Variants in USP25 observed in about 807,000 individuals in gnomAD.
USP25 encodes ubiquitin specific peptidase 25, also known as ubiquitin carboxyl-terminal hydrolase 25.
USP25 carries 85 observed loss-of-function variants against 158.5 expected under a neutral mutation model. The observed-to-expected ratio is 0.54, with a 90% confidence interval of 0.45 to 0.64. The LOEUF is 0.64. Among genes scored for constraint, USP25 ranks in the 30% least tolerant of loss-of-function variants. The pLI is 0.00. For missense variants in USP25, 1,242 were observed against 1,327.3 expected (o/e 0.94, Z 1.00); for synonymous variants, 464 against 460.4 (o/e 1.01, Z -0.10).
At chr21:15,864,911 C>T (rs2039591156) in intron 21 of USP25, among the ~76,000 whole-genome samples, 1 of 151,922 alleles carries the variant, frequency 6.6e-6, no homozygotes, top group Non-Finnish European at 1.5e-5. Flanking sequence ...GCAAAGTCAC[C>T]CTTATTAGAG....
chr21:15,863,324 G>C (rs1258973400), intron 20 of USP25, among the ~76,000 whole-genome samples: 1 of 151,942 alleles, frequency 6.6e-6, no homozygotes, highest in Non-Finnish European at 1.5e-5. Flanking sequence ...GGTAATAATA[G>C]TGATAATATA....
intron 16 of USP25, among the ~76,000 whole-genome samples, chr21:15,831,971 T>C (rs191370641): frequency 2.6e-5 from 4 of 152,224 alleles, no homozygotes; most frequent in South Asian, 2.1e-4. Context: ...CCCACCTTCA[T>C]TGATCACCAG....
chr21:15,832,744 C>T (rs1190209133), intron 16 of USP25, among the ~76,000 whole-genome samples: 6 of 151,728 alleles, frequency 4.0e-5, no homozygotes, highest in African/African-American at 1.5e-4. Context: ...AATGGCCGGG[C>T]GCGGTGGCTT....
chr21:15,740,558 A>G (rs113903933), intron 1 of USP25, among the ~76,000 whole-genome samples: 1 of 151,170 alleles, frequency 6.6e-6, no homozygotes, highest in African/African-American at 2.4e-5. Flanking sequence ...TCCTGGAGGC[A>G]CAAATAAGTT....
At chr21:15,808,410 CA>C (rs1282762908) in intron 7 of USP25, among the ~76,000 whole-genome samples, 21 of 152,122 alleles carry the variant, frequency 1.4e-4, no homozygotes, top group African/African-American at 4.8e-4. Context: ...AGAGAGAAGC[CA>C]GTCATAATTC....
At chr21:15,759,574 GGTTGA>G (rs1255955038) in intron 1 of USP25, among the ~76,000 whole-genome samples, 1 of 152,186 alleles carries the variant, frequency 6.6e-6, no homozygotes, top group Admixed American at 6.5e-5. Flanking sequence ...ATTGGCAATT[GGTTGA>G]GTTATTATCA....
chr21:15,824,583 TTTTCTGTCTGTC>T (rs1158637377), intron 11 of USP25, among the ~76,000 whole-genome samples: 1 of 152,106 alleles, frequency 6.6e-6, no homozygotes, highest in Non-Finnish European at 1.5e-5. Context: ...TCTTTTGTTT[TTTTCTGTCTGTC>T]TTTCTGTCTA....
Position 15,847,050 on chromosome 21 carries a change from G to A in USP25, c.2338-613G>A, listed in dbSNP as rs547721136. ...ACACTTAAGATATAAATATACTGGA[G>A]CCTCATAGGCTGTATATAATAAGTT... On this transcript the variant is annotated intron_variant, in intron 18 of 25. Transcript: ENST00000400183. Among the ~76,000 whole-genome samples, 360 of 152,204 alleles carry A rather than the reference G, an allele frequency of 2.4e-3. 2 individuals are homozygous for A. Among genetic ancestry groups the A allele is most frequent in the South Asian group, 0.017 (83 of 4,816 alleles).
chr21:15,786,225 A>G (rs936439895), intron 4 of USP25, among the ~76,000 whole-genome samples: 9 of 152,160 alleles, frequency 5.9e-5, no homozygotes, highest in Admixed American at 5.2e-4. Flanking sequence ...AGGAACAACT[A>G]ATATTAATTC....
At chr21:15,796,655 T>A (rs978998987) in intron 5 of USP25, among the ~76,000 whole-genome samples, 4 of 151,458 alleles carry the variant, frequency 2.6e-5, no homozygotes, top group Admixed American at 1.3e-4. Context: ...AGTTTTAAGT[T>A]ATCTCAGAAT....
At chr21:15,835,245 C>T (rs1300685612) in intron 17 of USP25, among the ~76,000 whole-genome samples, 1 of 152,214 alleles carries the variant, frequency 6.6e-6, no homozygotes, top group Non-Finnish European at 1.5e-5. Flanking sequence ...ATTCTTGGCT[C>T]ACCTATATTT....
rs376671904 is a variant in USP25, at chr21:15,770,418, GT to G, written c.268+4281del. On this transcript the variant is annotated intron_variant, in intron 3 of 25. Transcript: ENST00000400183. ...TGTATAACTTGATGAATTTTCTTTA[GT>G]TTTGGGTTAGAATGATAGCCATGGT... Among the ~76,000 whole-genome samples the G allele has an allele frequency of 7.8e-4, 118 of 152,196 alleles. 1 individual carries two copies. In the East Asian group the frequency reaches 0.02, roughly 26 times the overall value.
chr21:15,812,761 A>C (rs1394651198), intron 9 of USP25, among the ~76,000 whole-genome samples: 1 of 152,192 alleles, frequency 6.6e-6, no homozygotes, highest in African/African-American at 2.4e-5. Context: ...ATACGTTTTC[A>C]CTTGAACTAT....
intron 16 of USP25, among the ~76,000 whole-genome samples, chr21:15,832,567 A>G (rs905550510): frequency 1.3e-5 from 2 of 152,178 alleles, no homozygotes; most frequent in African/African-American, 4.8e-5. Context: ...TAATTTCTTC[A>G]TATGACAAAC....
chr21:15,748,186 A>G (rs756288484), intron 1 of USP25, among the ~76,000 whole-genome samples: 5 of 152,182 alleles, frequency 3.3e-5, no homozygotes, highest in African/African-American at 1.2e-4. Context: ...CCTCCTTCCC[A>G]TTAATACTCT....
chr21:15,761,604 T>C (rs1259935849), intron 1 of USP25, among the ~76,000 whole-genome samples: 1 of 152,194 alleles, frequency 6.6e-6, no homozygotes, highest in Admixed American at 6.5e-5. Context: ...AGTGAGCACA[T>C]GCACAATTTC....
At chr21:15,808,984 G>T in intron 8 of USP25, 99 bp downstream of exon 8, 1 of 846,314 alleles carries the variant, frequency 1.2e-6, no homozygotes, top group East Asian at 2.8e-5. Context: ...CAGACTTATG[G>T]GAATCCCAGT....
rs541737942 is a variant in USP25 at position 15,816,663 on chromosome 21, C to T, written c.932-2035C>T. Among the ~76,000 whole-genome samples, 31 of 152,258 alleles carry T rather than the reference C, an allele frequency of 2.0e-4. No individual in the cohort carries two copies. Among genetic ancestry groups the T allele is most frequent in the African/African-American group, 7.2e-4 (30 of 41,550 alleles). The stretch of plus-strand genomic sequence containing the variant: ...ATTCAGTGCCTTAATTTCCTGCTGT[C>T]AATAAGCCAGCAATTCTATCTTTAT... On this transcript the variant is annotated intron_variant, in intron 9 of 25. Coordinates refer to ENST00000400183, the MANE Select transcript of USP25 (RefSeq NM_001283041.3). The surrounding 1 kb of genome is among the most constrained non-coding windows in gnomAD (Gnocchi z 4.0).
intron 2 of USP25, among the ~76,000 whole-genome samples, chr21:15,763,690 A>G (rs1224960243): frequency 2.0e-5 from 3 of 152,148 alleles, no homozygotes; most frequent in Non-Finnish European, 4.4e-5. Flanking sequence ...CACAGCTCCA[A>G]TCCTTTGGAA....
Sources: gnomAD v4.1 joint callset for allele counts (sites outside exome capture counted in the v4.1 genomes callset) on GRCh38, gnomAD v4.1.1 for gene constraint, Gnocchi (gnomAD v3.1) non-coding constraint, MANE v1.5 for transcripts, NCBI Gene and HGNC (gene_info 2026-07-23, HGNC 2026-07-21) for gene names.